Variants in LAMC1 observed in about 807,000 individuals in gnomAD.
The protein encoded by LAMC1 is laminin subunit gamma 1, also known as laminin subunit gamma-1.
LAMC1 carries 38 observed loss-of-function variants against 173.6 expected under a neutral mutation model. That is an observed-to-expected ratio of 0.22 (90% confidence interval 0.17 to 0.29). The LOEUF is 0.29. Ranked by LOEUF, LAMC1 falls within the 10% of genes least tolerant of loss-of-function variation. The pLI is 1.00. For synonymous variants in LAMC1, 746 were observed against 749.1 expected, an observed-to-expected ratio of 1.00 and a Z score of 0.07; for missense variants, 1,824 against 2,051.8, an observed-to-expected ratio of 0.89 and a Z score of 2.14.
intron 11 of LAMC1, among the ~76,000 whole-genome samples, chr1:183,121,120 T>A (rs995096129): frequency 2.6e-5 from 4 of 152,058 alleles, no homozygotes; most frequent in South Asian, 2.1e-4. Flanking sequence ...GTGTGTGTTT[T>A]AAAAAAAATT....
intron 1 of LAMC1, among the ~76,000 whole-genome samples, chr1:183,051,196 T>C (rs1196479341): frequency 6.6e-6 from 1 of 152,222 alleles, no homozygotes. Flanking sequence ...CTGTGACTGC[T>C]TTAACCAATA....
In LAMC1 at chr1:183,023,919, C is replaced by G. The variant is rs781767593; in HGVS notation, c.203C>G (p.Thr68Arg). The G allele has an allele frequency of 3.1e-6, 5 of 1,613,248 alleles. No individual in the cohort carries two copies. Among genetic ancestry groups the G allele is most frequent in the Non-Finnish European group, 4.2e-6 (5 of 1,179,948 alleles). Reference protein sequence around the residue: ...AFNVTVVATNTCGTPPEEYCV... With the variant: ...AFNVTVVATNRCGTPPEEYCV... ...AACGTGACTGTGGTGGCCACCAACA[C>G]GTGTGGGACTCCGCCCGAGGAATAC... Residue 68 changes from threonine (T) to arginine (R), a missense_variant, in exon 1 of 28, where the codon ACG becomes AGG. Coordinates refer to ENST00000258341, the MANE Select transcript of LAMC1 (RefSeq NM_002293.4).
rs765782570 is a variant in LAMC1 at position 183,122,231 on chromosome 1, A to C, written c.2381A>C (p.Asn794Thr). Residue 794 changes from asparagine to threonine, a missense_variant, in exon 13 of 28, where the codon AAC (asparagine) becomes ACC (threonine). Physicochemically the swap from Asn to Thr is moderately conservative, Grantham distance 65. Transcript: ENST00000258341. ...AAGACAAAGGAGGTGGTGTGCACCA[A>C]CTGTCCTACTGGCACCACTGGTAAG... The part of the protein sequence containing the change: ...VPKTKEVVCT[N>T]CPTGTTGKRC... 1 of 1,613,938 alleles carries C rather than the reference A, an allele frequency of 6.2e-7. No individual in the cohort carries two copies. The highest frequency in any genetic ancestry group is 1.7e-5 in the Admixed American group (1 of 59,988).
chr1:183,066,629 A>G (rs1292151157), intron 1 of LAMC1, among the ~76,000 whole-genome samples: 2 of 152,354 alleles, frequency 1.3e-5, no homozygotes, highest in East Asian at 1.9e-4. Context: ...GCAGCCATAA[A>G]AAAGGATGAG....
At chr1:183,111,551 A>G (rs1656153631) in intron 4 of LAMC1, among the ~76,000 whole-genome samples, 1 of 152,180 alleles carries the variant, frequency 6.6e-6, no homozygotes, top group Non-Finnish European at 1.5e-5. Flanking sequence ...AAATGAAAAA[A>G]CTTGAAACAT....
chr1:183,134,913 TGA>T, intron 23 of LAMC1, 104 bp downstream of exon 23: 1 of 1,371,794 alleles, frequency 7.3e-7, no homozygotes, highest in Non-Finnish European at 1.0e-6. Context: ...ACCCCAGTGC[TGA>T]GAGAGCAGCC....
At chr1:183,112,773 G>A (rs1465438455) in intron 4 of LAMC1, among the ~76,000 whole-genome samples, 1 of 151,896 alleles carries the variant, frequency 6.6e-6, no homozygotes, top group Non-Finnish European at 1.5e-5. Context: ...AAGGAAAAGG[G>A]CACTTTAAAA....
At chr1:183,054,597 C>T (rs1654534723) in intron 1 of LAMC1, among the ~76,000 whole-genome samples, 1 of 152,144 alleles carries the variant, frequency 6.6e-6, no homozygotes, top group Non-Finnish European at 1.5e-5. Flanking sequence ...TTTTAATGAA[C>T]TGATTGCTTA....
rs1656749116 is a variant in LAMC1, at chr1:183,130,378, A to G, written c.3315A>G (p.Arg1105=). The G allele has an allele frequency of 6.2e-7, 1 of 1,614,118 alleles. No individual in the cohort carries two copies. The highest frequency in any genetic ancestry group is 2.2e-5 in the East Asian group (1 of 44,882). Residue 1105 remains arginine (R), a synonymous_variant, in exon 19 of 28, where the codon AGA becomes AGG. Transcript: ENST00000258341. ...VDQNLMDRLQ[R]VNNTLSSQIS... ...AGAATTTGATGGATCGCCTACAGAGAGTGAATAACACTCTGTCCAGCCAAA... is the reference window on the plus strand; with the variant it reads ...AGAATTTGATGGATCGCCTACAGAGGGTGAATAACACTCTGTCCAGCCAAA...
chr1:183,130,580 T>TG (rs780812964), intron 19 of LAMC1, 31 bp downstream of exon 19: 26 of 1,582,566 alleles, frequency 1.6e-5, no homozygotes, highest in Non-Finnish European at 2.3e-5. Flanking sequence ...GAGGTGGGGA[T>TG]GGGGGAGGCC....
intron 26 of LAMC1, 46 bp from the exon 27 acceptor site, chr1:183,140,358 A>T (rs762814073): frequency 1.7e-6 from 2 of 1,153,282 alleles, no homozygotes; most frequent in Admixed American, 4.5e-5. Flanking sequence ...TTTAAAGAAG[A>T]TGAAAACATA....
intron 11 of LAMC1, among the ~76,000 whole-genome samples, chr1:183,118,361 CTAAT>C (rs1656379126): frequency 6.6e-6 from 1 of 152,042 alleles, no homozygotes; most frequent in Non-Finnish European, 1.5e-5. Context: ...GTATTATTTA[CTAAT>C]TGATTACTCA....
chr1:183,028,138 G>A (rs1010947155), intron 1 of LAMC1, among the ~76,000 whole-genome samples: 33 of 144,000 alleles, frequency 2.3e-4, no homozygotes, highest in African/African-American at 8.0e-4. Flanking sequence ...AGAAGTTGGA[G>A]CTATAAGGCA....
At position 183,126,272 on chromosome 1, in the gene LAMC1, G is replaced by A. The variant is rs780903458; in HGVS notation, c.2944+10G>A. The A allele has an allele frequency of 4.3e-5, 70 of 1,611,558 alleles. No homozygotes were observed. Among genetic ancestry groups the A allele is most frequent in the Non-Finnish European group, 5.3e-5 (63 of 1,179,086 alleles). On this transcript the variant is annotated intron_variant, in intron 16 of 27. Coordinates refer to ENST00000258341, the MANE Select transcript of LAMC1 (RefSeq NM_002293.4). ...CCTGAAGGCTGCAAACGTAAGGGGT[G>A]TTGGTGGCATACAACTCTAAGCTTC...
chr1:183,048,551 A>G (rs1459419480), intron 1 of LAMC1, among the ~76,000 whole-genome samples: 4 of 152,232 alleles, frequency 2.6e-5, no homozygotes, highest in African/African-American at 4.8e-5. Context: ...ACATTCTAGT[A>G]TAGTAATCCC....
chr1:183,109,746 C>T (rs1275449346), intron 3 of LAMC1, among the ~76,000 whole-genome samples: 1 of 152,116 alleles, frequency 6.6e-6, no homozygotes, highest in African/African-American at 2.4e-5. Context: ...ATTAAGGAAG[C>T]AAGTGAGGGG....
At chr1:183,049,652 C>T (rs980441746) in intron 1 of LAMC1, among the ~76,000 whole-genome samples, 4 of 151,794 alleles carry the variant, frequency 2.6e-5, no homozygotes, top group Admixed American at 2.0e-4. Context: ...TTAGTAGAGA[C>T]GGGGTTTCAC....
chr1:183,145,291 A>G lies in LAMC1; in HGVS notation c.*2501A>G, dbSNP rs2102122931. On this transcript the variant is annotated 3_prime_UTR_variant, in exon 28 of 28. Coordinates refer to ENST00000258341, the MANE Select transcript of LAMC1 (RefSeq NM_002293.4). ...ATGATACCTTAATTACACTCCCGCAACACAGCCATTATTTTATTGTCTAGC... is the reference window on the plus strand; with the variant it reads ...ATGATACCTTAATTACACTCCCGCAGCACAGCCATTATTTTATTGTCTAGC... 6.5e-6 allele frequency: 1 copy of G among 152,786 alleles called. No individual in the cohort carries two copies. The highest frequency in any genetic ancestry group is 1.5e-5 in the Non-Finnish European group (1 of 68,038). 9.5% of individuals were successfully genotyped at this position (152,786 alleles called of 1,614,324 possible).
chr1:183,141,058 C>A (rs970304132), intron 27 of LAMC1: 1 of 152,246 alleles, frequency 6.6e-6, no homozygotes, highest in Non-Finnish European at 1.5e-5. Flanking sequence ...CACTGGTAAT[C>A]CCAGTACTTT....
Sources: gnomAD v4.1 joint callset for allele counts (sites outside exome capture counted in the v4.1 genomes callset) on GRCh38, gnomAD v4.1.1 for gene constraint, MANE v1.5 for transcripts, NCBI Gene and HGNC (gene_info 2026-07-23, HGNC 2026-07-21) for gene names.